The following GOLGA1 variants were observed in gnomAD, a reference collection of about 807,000 sequenced individuals.
The protein encoded by GOLGA1 is golgin subfamily A member 1.
GOLGA1 carries 63 observed loss-of-function variants against 119.7 expected under a neutral mutation model. The observed-to-expected ratio is 0.53, with a 90% CI of 0.43 to 0.65. GOLGA1 has a LOEUF of 0.65. GOLGA1 is among the 30% of genes least tolerant of loss of function. GOLGA1 has a pLI of 0.00. For missense variants in GOLGA1, 798 were observed against 912.8 expected, an observed-to-expected ratio of 0.87 and a Z score of 1.62; for synonymous variants, 318 against 333.4, an observed-to-expected ratio of 0.95 and a Z score of 0.50.
intron 7 of GOLGA1, 95 bp from the exon 8 acceptor site, chr9:124,923,318 T>A (rs1830608001): frequency 1.9e-6 from 2 of 1,058,890 alleles, no homozygotes; most frequent in African/African-American, 1.6e-5. Context: ...AATTTTTGTC[T>A]TTAGAGACAG....
intron 11 of GOLGA1, among the ~76,000 whole-genome samples, chr9:124,909,813 G>A (rs1830306950): frequency 6.6e-6 from 1 of 152,124 alleles, no homozygotes; most frequent in Non-Finnish European, 1.5e-5. Context: ...CGCTCAGGCT[G>A]GAAAGTAGTG....
rs752644216 is a variant in GOLGA1 at position 124,888,235 on chromosome 9, T to C, written c.1905+18A>G. The C allele has an allele frequency of 1.2e-6, 2 of 1,612,722 alleles. No homozygotes were observed. The highest frequency in any genetic ancestry group is 1.7e-6 in the Non-Finnish European group (2 of 1,178,766). The stretch of plus-strand genomic sequence containing the variant: ...GACCTGGTGGAGACAGAAACAGCCA[T>C]GCAAAAGGCATCCTCACCTTATTTT... On this transcript the variant is annotated intron_variant, in intron 19 of 22. Transcript: ENST00000373555. The surrounding 1 kb of genome is among the most constrained non-coding windows in gnomAD (Gnocchi z 4.4).
intron 11 of GOLGA1, 144 bp downstream of exon 11, chr9:124,911,757 G>C: frequency 1.5e-6 from 1 of 677,146 alleles, no homozygotes; most frequent in Non-Finnish European, 2.6e-6. Context: ...TCTGATGTAA[G>C]CAGGACAAGC....
Position 124,883,610 on chromosome 9 carries a change from G to T in GOLGA1, c.1906-1041C>A, listed in dbSNP as rs576253633. ...TTACTGGTTCCCACCACCACGCCCG[G>T]CTAATTTTTGTATTTTTAGTAGAGA... is the stretch of plus-strand genomic sequence containing the variant. On this transcript the variant is annotated intron_variant, in intron 19 of 22. Transcript: ENST00000373555. Among the ~76,000 whole-genome samples, 246 of 152,236 alleles carry T rather than the reference G, an allele frequency of 1.6e-3. 1 individual carries two copies. Among genetic ancestry groups the T allele is most frequent in the African/African-American group, 5.7e-3 (238 of 41,554 alleles).
At chr9:124,889,359 G>T in intron 17 of GOLGA1, 56 bp from the exon 18 acceptor site, 1 of 1,598,212 alleles carries the variant, frequency 6.3e-7, no homozygotes. Context: ...CATGCTGCTT[G>T]GTGGCAAGGC....
At chr9:124,890,364 C>A (rs757281555) in intron 16 of GOLGA1, 25 bp downstream of exon 16, 8 of 1,491,044 alleles carry the variant, frequency 5.4e-6, no homozygotes, top group Non-Finnish European at 7.5e-6. Context: ...GGGGACATCG[C>A]CCCTCAGCGT....
chr9:124,902,170 G>T (rs1793111670), intron 12 of GOLGA1, among the ~76,000 whole-genome samples: 1 of 152,110 alleles, frequency 6.6e-6, no homozygotes, highest in Admixed American at 6.5e-5. Context: ...GGAGTGCAGT[G>T]GCATGATCTC....
chr9:124,891,689 G>A (rs1366155266), intron 15 of GOLGA1, among the ~76,000 whole-genome samples: 1 of 151,890 alleles, frequency 6.6e-6, no homozygotes, highest in African/African-American at 2.4e-5. Flanking sequence ...TTGTTTCCCA[G>A]GCTGGAGTGC....
intron 15 of GOLGA1, among the ~76,000 whole-genome samples, chr9:124,896,366 T>C (rs554523273): frequency 6.6e-6 from 1 of 152,304 alleles, no homozygotes; most frequent in East Asian, 1.9e-4. Flanking sequence ...TAGGCCAAGA[T>C]CGTTCCACTA....
At chr9:124,902,525 C>T (rs569965516) in intron 12 of GOLGA1, among the ~76,000 whole-genome samples, 5 of 151,920 alleles carry the variant, frequency 3.3e-5, no homozygotes, top group South Asian at 2.1e-4. Context: ...CTTGCTCTGT[C>T]GCCCAGGCTT....
chr9:124,936,369 A>C (rs971259271), intron 3 of GOLGA1, among the ~76,000 whole-genome samples: 2 of 152,182 alleles, frequency 1.3e-5, no homozygotes, highest in African/African-American at 4.8e-5. Context: ...CTGACAACGG[A>C]AACAATTCAA....
At chr9:124,889,584 A>G in intron 16 of GOLGA1, 48 bp from the exon 17 acceptor site, 1 of 1,201,930 alleles carries the variant, frequency 8.3e-7, no homozygotes, top group Non-Finnish European at 1.2e-6. Context: ...CAGTGACTCC[A>G]TCTTCCCACA....
chr9:124,912,566 G>C (rs549292158), intron 10 of GOLGA1, among the ~76,000 whole-genome samples: 1 of 152,052 alleles, frequency 6.6e-6, no homozygotes. Flanking sequence ...TTTTTGAGAC[G>C]GAGTGTCGCT....
chr9:124,892,190 T>C (rs1829871247), intron 15 of GOLGA1, among the ~76,000 whole-genome samples: 1 of 151,980 alleles, frequency 6.6e-6, no homozygotes, highest in Non-Finnish European at 1.5e-5. Context: ...CCTGACCTCA[T>C]GTGATCCATC....
At chr9:124,915,509 T>G (rs1452912646) in intron 10 of GOLGA1, among the ~76,000 whole-genome samples, 1 of 152,202 alleles carries the variant, frequency 6.6e-6, no homozygotes, top group Non-Finnish European at 1.5e-5. Context: ...TAACCACTTG[T>G]CTATCCTTTT....
chr9:124,916,972 T>A (rs1422839745), intron 10 of GOLGA1, among the ~76,000 whole-genome samples: 1 of 146,772 alleles, frequency 6.8e-6, no homozygotes, highest in Non-Finnish European at 1.5e-5. Context: ...TATTACTATA[T>A]AATTGAGAAA....
chr9:124,899,726 A>G (rs1830058860), intron 13 of GOLGA1, among the ~76,000 whole-genome samples: 1 of 152,228 alleles, frequency 6.6e-6, no homozygotes, highest in South Asian at 2.1e-4. Context: ...TCTGGGCACC[A>G]GCCAGCCCTT....
At chr9:124,902,024 GT>G (rs1414600435) in intron 12 of GOLGA1, among the ~76,000 whole-genome samples, 4 of 152,232 alleles carry the variant, frequency 2.6e-5, no homozygotes, top group Non-Finnish European at 5.9e-5. Context: ...CAAGATGGCA[GT>G]TTTACCAGAT....
intron 15 of GOLGA1, among the ~76,000 whole-genome samples, chr9:124,894,843 T>C (rs899908368): frequency 1.3e-5 from 2 of 152,108 alleles, no homozygotes; most frequent in Non-Finnish European, 2.9e-5. Flanking sequence ...TTATCATGCA[T>C]ATTTGCAGCA....
Sources: allele counts gnomAD v4.1 joint callset (sites outside exome capture counted in the v4.1 genomes callset), GRCh38; gene constraint gnomAD v4.1.1; non-coding constraint Gnocchi (gnomAD v3.1); transcripts MANE v1.5; gene names NCBI Gene and HGNC (gene_info 2026-07-23, HGNC 2026-07-21).